Variants in TENM2 observed in about 807,000 individuals in gnomAD.
The protein encoded by TENM2 is teneurin transmembrane protein 2.
In TENM2, 52 loss-of-function variants were observed where a neutral mutation model predicts 245.2. That is an observed-to-expected ratio of 0.21 (90% CI 0.17 to 0.27). TENM2 has a LOEUF of 0.27. TENM2 is among the 10% of genes least tolerant of loss of function. TENM2 has a pLI of 1.00. For missense variants in TENM2, 3,046 were observed against 3,666.8 expected (o/e 0.83, Z 4.37); for synonymous variants, 1,363 against 1,438.9 (o/e 0.95, Z 1.19).
chr5:167,859,401 G>A (rs113139446), intron 2 of TENM2, among the ~76,000 whole-genome samples: 63 of 142,220 alleles, frequency 4.4e-4, no homozygotes, highest in Middle Eastern at 4.0e-3. Flanking sequence ...CCCCCCGCCC[G>A]GCCAGCCGCC....
intron 2 of TENM2, among the ~76,000 whole-genome samples, chr5:167,755,469 T>A (rs948949991): frequency 1.3e-4 from 18 of 139,310 alleles, no homozygotes; most frequent in East Asian, 8.2e-4. Flanking sequence ...AAAAAAAAAA[T>A]ATGTGAAAAT....
chr5:168,146,483 C>T (rs1385705504), intron 12 of TENM2, among the ~76,000 whole-genome samples: 5 of 152,182 alleles, frequency 3.3e-5, no homozygotes, highest in Non-Finnish European at 5.9e-5. Flanking sequence ...CTGTCTTTAT[C>T]GCCCCTGCCT....
chr5:167,225,428 G>A, the TENM2 span, among the ~76,000 whole-genome samples: 2 of 151,980 alleles, frequency 1.3e-5, no homozygotes, highest in African/African-American at 2.4e-5. Context: ...TAATCATATA[G>A]TTTCTATCCT....
intron 7 of TENM2, among the ~76,000 whole-genome samples, chr5:168,073,455 T>A (rs13358864): frequency 0.091 from 13,918 of 152,240 alleles, 732 homozygotes; most frequent in East Asian, 0.19. Context: ...TGAAGCTTCA[T>A]TTAACAATTG....
At chr5:167,821,914 C>T (rs1019195140) in intron 2 of TENM2, among the ~76,000 whole-genome samples, 1 of 152,078 alleles carries the variant, frequency 6.6e-6, no homozygotes, top group Non-Finnish European at 1.5e-5. Flanking sequence ...GCGTACTTCT[C>T]TCTGCTTGGA....
chr5:168,173,595 A>C (rs1759057989), intron 13 of TENM2, among the ~76,000 whole-genome samples: 1 of 151,654 alleles, frequency 6.6e-6, no homozygotes, highest in African/African-American at 2.4e-5. Flanking sequence ...CACCAGCCAC[A>C]CTCCTGGACA....
At chr5:167,238,255 A>G in the TENM2 span, among the ~76,000 whole-genome samples, 1 of 151,998 alleles carries the variant, frequency 6.6e-6, no homozygotes, top group Non-Finnish European at 1.5e-5. Flanking sequence ...TTAAATGATA[A>G]ACATTAGGCT....
chr5:168,177,364 A>C (rs1759453260), intron 13 of TENM2, among the ~76,000 whole-genome samples: 1 of 152,170 alleles, frequency 6.6e-6, no homozygotes, highest in African/African-American at 2.4e-5. Context: ...TGGTGTGATT[A>C]TTTTTATTTT....
At chr5:167,368,084 G>A (rs1481441896) in intron 1 of TENM2, among the ~76,000 whole-genome samples, 3 of 151,602 alleles carry the variant, frequency 2.0e-5, no homozygotes, top group Non-Finnish European at 4.4e-5. Context: ...GAAAAAGGCC[G>A]CTTAAAAAAG....
intron 2 of TENM2, among the ~76,000 whole-genome samples, chr5:167,760,800 C>T (rs1348964714): frequency 5.9e-5 from 9 of 152,114 alleles, no homozygotes; most frequent in African/African-American, 9.7e-5. Flanking sequence ...ATTACAGGCG[C>T]GTGCCACGAT....
intron 2 of TENM2, among the ~76,000 whole-genome samples, chr5:167,758,822 T>C (rs1582931913): frequency 1.3e-5 from 2 of 152,050 alleles, no homozygotes; most frequent in East Asian, 3.9e-4. Context: ...TTAAACTCTC[T>C]CATATTGCCA....
intron 2 of TENM2, among the ~76,000 whole-genome samples, chr5:167,620,262 C>T (rs545500586): frequency 2.0e-5 from 3 of 152,116 alleles, no homozygotes; most frequent in East Asian, 3.9e-4. Context: ...GGCACAGCTG[C>T]GGGGAGCACT....
intron 1 of TENM2, among the ~76,000 whole-genome samples, chr5:167,304,415 T>C (rs1281963550): frequency 1.3e-5 from 2 of 152,214 alleles, no homozygotes; most frequent in Non-Finnish European, 2.9e-5. Flanking sequence ...CTCCTTTCAA[T>C]ACAAATTGGG....
intron 9 of TENM2, among the ~76,000 whole-genome samples, chr5:168,099,124 G>A (rs1181919920): frequency 6.6e-6 from 1 of 151,872 alleles, no homozygotes; most frequent in African/African-American, 2.4e-5. Context: ...TGGCCAGGCT[G>A]GTCTCGAACT....
intron 3 of TENM2, among the ~76,000 whole-genome samples, chr5:167,925,573 T>A (rs248140): frequency 0.34 from 51,338 of 152,018 alleles, 11,474 homozygotes; most frequent in African/African-American, 0.65. Flanking sequence ...AAAAGCAGAA[T>A]TACCATTCAA....
chr5:167,225,651 G>T, the TENM2 span, among the ~76,000 whole-genome samples: 5 of 151,840 alleles, frequency 3.3e-5, 1 homozygote, highest in Non-Finnish European at 7.4e-5. Flanking sequence ...TCTTGTCTGG[G>T]TTTGGTATCA....
intron 2 of TENM2, among the ~76,000 whole-genome samples, chr5:167,581,090 A>G (rs1775063399): frequency 1.3e-5 from 2 of 152,232 alleles, no homozygotes; most frequent in Admixed American, 6.5e-5. Flanking sequence ...CTGTGGTTAT[A>G]TCTGGCACTT....
chr5:167,336,400 T>G (rs1237005730), intron 1 of TENM2, among the ~76,000 whole-genome samples: 1 of 151,742 alleles, frequency 6.6e-6, no homozygotes, highest in African/African-American at 2.4e-5. Flanking sequence ...CCTGTGGTTT[T>G]TTTTTTTTCT....
intron 1 of TENM2, among the ~76,000 whole-genome samples, chr5:167,315,299 G>T (rs1756294513): frequency 6.6e-6 from 1 of 152,118 alleles, no homozygotes; most frequent in Non-Finnish European, 1.5e-5. Flanking sequence ...TGCAAAATTA[G>T]TAGGTAAGGT....
Sources: allele counts gnomAD v4.1 joint callset (sites outside exome capture counted in the v4.1 genomes callset), GRCh38; gene constraint gnomAD v4.1.1; transcripts MANE v1.5; gene names NCBI Gene and HGNC (gene_info 2026-07-23, HGNC 2026-07-21).